KLK6: variants seen among roughly 807,000 people sequenced by gnomAD.
KLK6 encodes the protein kallikrein-6.
In KLK6, 16 loss-of-function variants were observed where a neutral mutation model predicts 21.7. The observed-to-expected ratio is 0.74, with a 90% CI of 0.50 to 1.12. KLK6 has a LOEUF of 1.12. Ranked by LOEUF, KLK6 falls within the 50% of genes most tolerant of loss-of-function variation. KLK6 has a pLI of 0.00. For missense variants in KLK6, 276 were observed against 304.6 expected, an observed-to-expected ratio of 0.91 and a Z score of 0.70; for synonymous variants, 116 against 120.1, an observed-to-expected ratio of 0.97 and a Z score of 0.22.
chr19:50,967,554 T>C (rs113640578), intron 3 of KLK6, among the ~76,000 whole-genome samples: 6,820 of 56,694 alleles, frequency 0.12, 222 homozygotes, highest in Middle Eastern at 0.2. Flanking sequence ...CACACACAAA[T>C]TAGCAGGGTA....
intron 2 of KLK6, 148 bp from the exon 3 acceptor site, chr19:50,968,260 T>C (rs1004819644): frequency 1.4e-6 from 1 of 738,984 alleles, no homozygotes; most frequent in Non-Finnish European, 2.4e-6. Context: ...CCTCCTGATT[T>C]ATTCTTCCTC....
At chr19:50,965,957 C>T (rs943654866) in intron 4 of KLK6, among the ~76,000 whole-genome samples, 1 of 152,140 alleles carries the variant, frequency 6.6e-6, no homozygotes, top group Non-Finnish European at 1.5e-5. Context: ...GATCAGCGCC[C>T]AGGGTTTTTG....
At chr19:50,967,785 G>A (rs1236578753) in intron 3 of KLK6, among the ~76,000 whole-genome samples, 1 of 150,628 alleles carries the variant, frequency 6.6e-6, no homozygotes, top group East Asian at 1.9e-4. Flanking sequence ...CCCTATTCCC[G>A]GGCTCTCTCC....
chr19:50,961,490 G>T (rs142254937), intron 6 of KLK6, among the ~76,000 whole-genome samples: 2 of 152,164 alleles, frequency 1.3e-5, no homozygotes, highest in African/African-American at 2.4e-5. Flanking sequence ...TCTTGATCCC[G>T]CGGCCTCCAT....
intron 6 of KLK6, 25 bp downstream of exon 6, chr19:50,961,719 A>G (rs1427039792): frequency 6.2e-7 from 1 of 1,609,198 alleles, no homozygotes; most frequent in East Asian, 2.2e-5. Context: ...CTGGCTGTGT[A>G]AGTGGCAGAT....
In KLK6 at chr19:50,967,230, G is replaced by A. The variant is rs111738447; in HGVS notation, c.136C>T (p.Leu46Phe). 9.4e-5 allele frequency: 151 copies of A among 1,614,136 alleles called. No individual in the cohort carries two copies. The African/African-American group carries it at 1.7e-3, about 18-fold the overall frequency. Residue 46 changes from leucine to phenylalanine, a missense_variant, in exon 4 of 7, where the codon CTC becomes TTC. By Grantham distance (22) the Leu-to-Phe change is conservative. Coordinates refer to ENST00000310157, the MANE Select transcript of KLK6 (RefSeq NM_002774.4). ...QAALYTSGHL[L>F]CGGVLIHPLW... is the part of the protein sequence containing the mutation. ...GGATGGATAAGGACCCCACCACAGAGCAAGTGGCCCGAGGTGTAGAGGGCA... is the reference window on the plus strand; with the variant it reads ...GGATGGATAAGGACCCCACCACAGAACAAGTGGCCCGAGGTGTAGAGGGCA...
At chr19:50,963,229 C>A in intron 5 of KLK6, 73 bp downstream of exon 5, 1 of 1,553,474 alleles carries the variant, frequency 6.4e-7, no homozygotes, top group Non-Finnish European at 8.7e-7. Context: ...CACCAATTTT[C>A]CCACTCCCCA....
intron 4 of KLK6, among the ~76,000 whole-genome samples, chr19:50,965,774 C>G (rs768788512): frequency 1.3e-5 from 2 of 152,138 alleles, no homozygotes; most frequent in Non-Finnish European, 2.9e-5. Context: ...GGGGAACCAC[C>G]CCAGGGATTG....
Position 50,961,874 on chromosome 19 carries a change from A to T in KLK6, c.452T>A (p.Phe151Tyr). 3.7e-6 allele frequency: 6 copies of T among 1,613,200 alleles called. No individual in the cohort carries two copies. Among genetic ancestry groups the T allele is most frequent in the Non-Finnish European group, 5.1e-6 (6 of 1,179,542 alleles). ...LGWGKTADGD[F>Y]PDTIQCAYIH... The stretch of plus-strand genomic sequence containing the variant: ...GTATGCACACTGGATGGTGTCAGGG[A>T]AATCACCTGTTAGGGGAGAGATGGG... The change falls in exon 6 of 7, where the codon TTC becomes TAC. Residue 151 changes from phenylalanine to tyrosine, a missense_variant. Phe to Tyr is a conservative substitution (Grantham distance 22). Coordinates refer to ENST00000310157, the MANE Select transcript of KLK6 (RefSeq NM_002774.4).
intron 2 of KLK6, 126 bp from the exon 3 acceptor site, chr19:50,968,238 C>T (rs1460273588): frequency 9.6e-6 from 8 of 833,886 alleles, no homozygotes; most frequent in Non-Finnish European, 1.7e-5. Flanking sequence ...GACCTCTGTC[C>T]TTCCCATCTA....
Position 50,961,858 on chromosome 19 carries a change from C to T in KLK6, c.468G>A (p.Gln156=). The T allele has an allele frequency of 6.2e-7, 1 of 1,613,900 alleles. No individual in the cohort carries two copies. Among genetic ancestry groups the T allele is most frequent in the Non-Finnish European group, 8.5e-7 (1 of 1,179,854 alleles). Residue 156 remains glutamine (Q), a synonymous_variant, in exon 6 of 7, where the codon CAG becomes CAA. Coordinates refer to ENST00000310157, the MANE Select transcript of KLK6 (RefSeq NM_002774.4). ...TADGDFPDTI[Q]CAYIHLVSRE... ...GGGACACCAGGTGGATGTATGCACA[C>T]TGGATGGTGTCAGGGAAATCACCTG...
At chr19:50,967,375 G>A (rs749270916) in intron 3 of KLK6, 50 bp from the exon 4 acceptor site, 16 of 1,526,388 alleles carry the variant, frequency 1.0e-5, no homozygotes, top group African/African-American at 2.8e-5. Flanking sequence ...GAAACCAAGC[G>A]CATCCCCCTC....
intron 3 of KLK6, 36 bp downstream of exon 3, chr19:50,968,029 C>G: frequency 6.2e-7 from 1 of 1,606,286 alleles, no homozygotes; most frequent in Non-Finnish European, 8.5e-7. Context: ...CCAACCCTGT[C>G]TGCAAGCCTC....
At chr19:50,965,619 AG>A (rs991669324) in intron 4 of KLK6, among the ~76,000 whole-genome samples, 52 of 152,170 alleles carry the variant, frequency 3.4e-4, no homozygotes, top group African/African-American at 1.2e-3. Flanking sequence ...TGTGCTCCCG[AG>A]GGCAGGGATG....
At chr19:50,960,704 A>G (rs943783084) in intron 6 of KLK6, among the ~76,000 whole-genome samples, 1 of 151,658 alleles carries the variant, frequency 6.6e-6, no homozygotes, top group East Asian at 1.9e-4. Flanking sequence ...GCAATTCTCC[A>G]GCCTCAGCCT....
At chr19:50,963,963 C>T (rs2090886383) in intron 4 of KLK6, among the ~76,000 whole-genome samples, 2 of 152,156 alleles carry the variant, frequency 1.3e-5, no homozygotes, top group African/African-American at 4.8e-5. Context: ...TGGTCCTGTG[C>T]CTCCTCTGCT....
At chr19:50,961,478 G>A (rs1026359959) in intron 6 of KLK6, among the ~76,000 whole-genome samples, 2 of 152,228 alleles carry the variant, frequency 1.3e-5, no homozygotes, top group Admixed American at 6.5e-5. Context: ...GGCCTCTCTG[G>A]TTCTTGATCC....
chr19:50,959,363 C>CTGTGTG (rs71185782), intron 6 of KLK6, 47 bp from the exon 7 acceptor site: 9,507 of 840,638 alleles, frequency 0.011, 60 homozygotes, highest in African/African-American at 0.025. Context: ...AACCCAGAGA[C>CTGTGTG]TGTGTGTGTG....
At chr19:50,968,362 C>A in intron 2 of KLK6, 179 bp downstream of exon 2, 1 of 571,444 alleles carries the variant, frequency 1.7e-6, no homozygotes, top group Non-Finnish European at 3.1e-6. Context: ...TGGTGAGATT[C>A]TGATTAGATC....
Sources: gnomAD v4.1 joint callset for allele counts (sites outside exome capture counted in the v4.1 genomes callset) on GRCh38, gnomAD v4.1.1 for gene constraint, MANE v1.5 for transcripts, NCBI Gene and HGNC (gene_info 2026-07-23, HGNC 2026-07-21) for gene names.